GRIP1: variants seen among roughly 807,000 people sequenced by gnomAD.
GRIP1 encodes glutamate receptor-interacting protein 1.
Under a neutral mutation model 129.9 loss-of-function variants are expected in GRIP1, and 45 were observed. The ratio of observed to expected loss-of-function variants is 0.35; its 90% CI spans 0.27 to 0.44. The LOEUF is 0.44. Among genes scored for constraint, GRIP1 ranks in the 20% least tolerant of loss-of-function variants. The probability of loss-of-function intolerance (pLI) is 1.00; values close to 1 mark genes in which losing one functional copy is unlikely to be tolerated. For missense variants in GRIP1, 1,196 were observed against 1,396.8 expected, an observed-to-expected ratio of 0.86 and a Z score of 2.29; for synonymous variants, 530 against 520.8, an observed-to-expected ratio of 1.02 and a Z score of -0.24.
At chr12:66,838,067 T>C (rs1446505923) in intron 1 of GRIP1, among the ~76,000 whole-genome samples, 1 of 151,736 alleles carries the variant, frequency 6.6e-6, no homozygotes, top group Non-Finnish European at 1.5e-5. Flanking sequence ...ATGCCTGTAA[T>C]CCCAGCTACT....
chr12:66,684,998 G>A (rs541784503), intron 1 of GRIP1, among the ~76,000 whole-genome samples: 1 of 151,996 alleles, frequency 6.6e-6, no homozygotes, highest in African/African-American at 2.4e-5. Flanking sequence ...TAGGACACAC[G>A]TTCCTCTTCC....
At chr12:67,044,885 T>G (rs1233245925) in intron 1 of GRIP1, among the ~76,000 whole-genome samples, 1 of 152,246 alleles carries the variant, frequency 6.6e-6, no homozygotes. Flanking sequence ...TCGAGAACTA[T>G]GCACAGAATG....
chr12:66,491,977 C>A (rs908704986), intron 7 of GRIP1, among the ~76,000 whole-genome samples: 5 of 152,138 alleles, frequency 3.3e-5, no homozygotes, highest in African/African-American at 9.6e-5. Context: ...GAATCTCCAT[C>A]AGGCTCTGCT....
At position 66,900,955 on chromosome 12, in the gene GRIP1, A is replaced by C. The variant is rs376602168; in HGVS notation, c.58+168095T>G. On this transcript the variant is annotated intron_variant, in intron 1 of 1. Coordinates refer to the GRIP1 transcript ENST00000643019. ...GCTCTTAAATCCTGCATGTTTTTTGAAAGTAGGAAGGGAATGCACTGCTAT... is the reference window on the plus strand; with the variant it reads ...GCTCTTAAATCCTGCATGTTTTTTGCAAGTAGGAAGGGAATGCACTGCTAT... 1.2e-3 allele frequency among the ~76,000 whole-genome samples: 177 copies of C among 152,308 alleles called. 1 individual carries two copies. Among genetic ancestry groups the C allele is most frequent in the Middle Eastern group, 6.8e-3 (2 of 294 alleles).
At chr12:66,914,789 A>G (rs1270219016) in intron 1 of GRIP1, among the ~76,000 whole-genome samples, 4 of 152,190 alleles carry the variant, frequency 2.6e-5, no homozygotes, top group Non-Finnish European at 2.9e-5. Flanking sequence ...AGAAAAACAA[A>G]TATCAAGATA....
At chr12:66,372,272 C>G (rs528172423) in intron 22 of GRIP1, 1 of 375,434 alleles carries the variant, frequency 2.7e-6, no homozygotes, top group African/African-American at 2.1e-5. Context: ...TGGGCTCTAA[C>G]AGATGGGATT....
intron 1 of GRIP1, among the ~76,000 whole-genome samples, chr12:66,607,022 A>AGT (rs1049283065): frequency 2.0e-5 from 3 of 150,332 alleles, no homozygotes; most frequent in African/African-American, 7.5e-5. Flanking sequence ...AGAAAGAGAG[A>AGT]GAGTGTGTGT....
At chr12:66,828,074 C>G (rs1436183885) in intron 1 of GRIP1, among the ~76,000 whole-genome samples, 1 of 152,150 alleles carries the variant, frequency 6.6e-6, no homozygotes, top group Non-Finnish European at 1.5e-5. Context: ...CCTCAGGGTC[C>G]AAAATGGACC....
intron 17 of GRIP1, among the ~76,000 whole-genome samples, chr12:66,393,169 A>ATTTTTTTTT (rs60982107): frequency 1.3e-5 from 1 of 78,844 alleles, no homozygotes. Context: ...CTTTCTACAG[A>ATTTTTTTTT]TTTTTTTTTT....
intron 1 of GRIP1, among the ~76,000 whole-genome samples, chr12:67,026,785 C>T (rs2042947253): frequency 6.6e-6 from 1 of 152,116 alleles, no homozygotes; most frequent in African/African-American, 2.4e-5. Flanking sequence ...AATGGTGACC[C>T]CTTTCTTTTG....
chr12:66,883,119 T>A (rs2040508052), intron 1 of GRIP1, among the ~76,000 whole-genome samples: 1 of 152,140 alleles, frequency 6.6e-6, no homozygotes, highest in Admixed American at 6.5e-5. Flanking sequence ...ACAGCCCTTA[T>A]CACAGGACAA....
At chr12:66,828,350 T>A (rs1012375490) in intron 1 of GRIP1, among the ~76,000 whole-genome samples, 3 of 152,078 alleles carry the variant, frequency 2.0e-5, no homozygotes, top group Non-Finnish European at 4.4e-5. Context: ...TGACACTGAG[T>A]TCACCTTTCA....
At chr12:67,046,393 G>A (rs965777934) in intron 1 of GRIP1, among the ~76,000 whole-genome samples, 34 of 152,232 alleles carry the variant, frequency 2.2e-4, no homozygotes, top group Admixed American at 9.2e-4. Context: ...TTCCATACAA[G>A]ATTCCTGACA....
chr12:67,018,935 T>C (rs138975035), intron 1 of GRIP1, among the ~76,000 whole-genome samples: 1 of 152,012 alleles, frequency 6.6e-6, no homozygotes, highest in East Asian at 1.9e-4. Context: ...AAAATCCAGC[T>C]AGGAAAGAAA....
chr12:66,935,200 T>G (rs896176397), intron 1 of GRIP1, among the ~76,000 whole-genome samples: 1 of 152,174 alleles, frequency 6.6e-6, no homozygotes, highest in African/African-American at 2.4e-5. Context: ...ATAATAAAAT[T>G]TATAAACCAA....
chr12:66,496,741 G>T (rs982038875), intron 7 of GRIP1, among the ~76,000 whole-genome samples: 1 of 152,056 alleles, frequency 6.6e-6, no homozygotes, highest in Non-Finnish European at 1.5e-5. Flanking sequence ...ACCCTTCCAC[G>T]TGGTGCTCTG....
chr12:66,885,491 T>C (rs1345201407), intron 1 of GRIP1, among the ~76,000 whole-genome samples: 1 of 152,190 alleles, frequency 6.6e-6, no homozygotes, highest in Non-Finnish European at 1.5e-5. Context: ...AGGGCGTACC[T>C]GATTCTCAGA....
chr12:66,683,588 TA>T (rs1234200301), upstream of GRIP1, among the ~76,000 whole-genome samples: 1 of 152,150 alleles, frequency 6.6e-6, no homozygotes, highest in African/African-American at 2.4e-5. Flanking sequence ...CTGGGGTGAT[TA>T]AAAAGCACTT....
At chr12:66,940,802 A>G (rs1351775559) in intron 1 of GRIP1, among the ~76,000 whole-genome samples, 1 of 152,224 alleles carries the variant, frequency 6.6e-6, no homozygotes, top group East Asian at 1.9e-4. Context: ...TTCGCCCACT[A>G]AATTCCAACA....
Sources: gnomAD v4.1 joint callset for allele counts (sites outside exome capture counted in the v4.1 genomes callset) on GRCh38, gnomAD v4.1.1 for gene constraint, MANE v1.5 for transcripts, NCBI Gene and HGNC (gene_info 2026-07-23, HGNC 2026-07-21) for gene names.